Variants in L3MBTL3 observed in about 807,000 individuals in gnomAD.
The protein encoded by L3MBTL3 is lethal(3)malignant brain tumor-like protein 3.
In L3MBTL3, 27 loss-of-function variants were observed where a neutral mutation model predicts 102.3. That is an observed-to-expected ratio of 0.26 (90% CI 0.19 to 0.36). L3MBTL3 has a LOEUF of 0.36. Ranked by LOEUF, L3MBTL3 falls within the 10% of genes least tolerant of loss-of-function variation. L3MBTL3 has a pLI of 1.00. For missense variants in L3MBTL3, 798 were observed against 955.3 expected (o/e 0.84, Z 2.17); for synonymous variants, 340 against 320.9 (o/e 1.06, Z -0.64).
At position 130,054,802 on chromosome 6, in the gene L3MBTL3, G is replaced by A. The variant is rs181251849; in HGVS notation, c.583-369G>A. ...ATGACCTTGAAAACCCAGGGAAAGG[G>A]ACTAGAAAGAGTAGAGAAGGGAACT... is the stretch of plus-strand genomic sequence containing the variant. On this transcript the variant is annotated intron_variant, in intron 7 of 22. Transcript: ENST00000361794. Among the ~76,000 whole-genome samples the A allele has an allele frequency of 3.6e-3, 547 of 152,282 alleles. 3 individuals carry two copies. Among genetic ancestry groups the A allele is most frequent in the Non-Finnish European group, 4.4e-3 (297 of 68,028 alleles).
intron 3 of L3MBTL3, among the ~76,000 whole-genome samples, chr6:130,043,303 T>A (rs1337403281): frequency 2.6e-5 from 4 of 152,338 alleles, no homozygotes; most frequent in African/African-American, 9.6e-5. Context: ...TTTTATATAA[T>A]GACTTGTTCA....
At chr6:130,021,707 AT>A (rs2114420932) in intron 1 of L3MBTL3, among the ~76,000 whole-genome samples, 1 of 152,304 alleles carries the variant, frequency 6.6e-6, no homozygotes, top group Admixed American at 6.5e-5. Flanking sequence ...GTGTAAGGCA[AT>A]TTTATATAGT....
At chr6:130,083,307 T>C (rs1292490253) in intron 14 of L3MBTL3, among the ~76,000 whole-genome samples, 2 of 152,118 alleles carry the variant, frequency 1.3e-5, no homozygotes, top group African/African-American at 2.4e-5. Flanking sequence ...ATTGCATATG[T>C]CAGATTTTTC....
At chr6:130,057,215 A>G (rs1412557687) in intron 8 of L3MBTL3, among the ~76,000 whole-genome samples, 191 bp from the exon 9 acceptor site, 1 of 152,136 alleles carries the variant, frequency 6.6e-6, no homozygotes, top group Non-Finnish European at 1.5e-5. Flanking sequence ...TCCTCACTGT[A>G]GGTGCAAACC....
intron 18 of L3MBTL3, among the ~76,000 whole-genome samples, chr6:130,102,153 A>T (rs917618499): frequency 6.6e-6 from 1 of 152,016 alleles, no homozygotes; most frequent in African/African-American, 2.4e-5. Context: ...CAAAAACCAA[A>T]TGGCCATTCC....
chr6:130,091,868 G>GAGT (rs1307478906), intron 16 of L3MBTL3, among the ~76,000 whole-genome samples: 2 of 151,826 alleles, frequency 1.3e-5, no homozygotes, highest in African/African-American at 4.8e-5. Context: ...GCATAGCAGG[G>GAGT]AGTAGGGCAT....
At chr6:130,124,822 C>T (rs896517243) in intron 20 of L3MBTL3, among the ~76,000 whole-genome samples, 2 of 151,930 alleles carry the variant, frequency 1.3e-5, no homozygotes, top group Admixed American at 1.3e-4. Flanking sequence ...AATACGAAAT[C>T]AGCCGGGCAT....
At chr6:130,074,483 G>T (rs948112257) in intron 13 of L3MBTL3, among the ~76,000 whole-genome samples, 2 of 152,156 alleles carry the variant, frequency 1.3e-5, no homozygotes, top group African/African-American at 4.8e-5. Context: ...CCACTAGAAA[G>T]AACTTTAGGG....
In L3MBTL3 at chr6:130,133,564, T is replaced by G. The variant is rs1273442736; in HGVS notation, c.2079T>G (p.Leu693=). The G allele has an allele frequency of 6.2e-7, 1 of 1,614,116 alleles. No homozygotes were observed. The change falls in exon 21 of 23, where the codon CTT becomes CTG. Residue 693 remains leucine, a synonymous_variant. Transcript: ENST00000361794. This position sits in a 1 kb window ranked among gnomAD's most constrained non-coding sequence, Gnocchi z 4.9. The stretch of plus-strand genomic sequence containing the variant: ...TGCGCTGGGAGCAGCAAAGCAAACT[T>G]CTTCCAACTGTCGCAGGAATCCCTG... ...LPLRWEQQSK[L]LPTVAGIPAS...
intron 2 of L3MBTL3, among the ~76,000 whole-genome samples, chr6:130,031,357 G>C (rs1218967654): frequency 6.6e-6 from 1 of 152,136 alleles, no homozygotes; most frequent in Non-Finnish European, 1.5e-5. Context: ...AATTTATTTT[G>C]TATAGCTCAG....
intron 11 of L3MBTL3, among the ~76,000 whole-genome samples, chr6:130,067,408 C>T (rs896789629): frequency 6.6e-6 from 1 of 152,160 alleles, no homozygotes; most frequent in Admixed American, 6.5e-5. Flanking sequence ...GCCACCGTGC[C>T]CGGCCATATT....
chr6:130,020,058 CT>C (rs1453213441), intron 1 of L3MBTL3, among the ~76,000 whole-genome samples: 3 of 148,048 alleles, frequency 2.0e-5, no homozygotes, highest in Admixed American at 2.0e-4. Context: ...CGCGGGGCTG[CT>C]TTTCCTGCAA....
chr6:130,115,884 A>G (rs1196636372), intron 19 of L3MBTL3, among the ~76,000 whole-genome samples: 2 of 152,218 alleles, frequency 1.3e-5, no homozygotes, highest in Non-Finnish European at 2.9e-5. Context: ...ATTCCAAGAG[A>G]AATTGCTGTT....
At chr6:130,087,959 A>C (rs1280238588) in intron 16 of L3MBTL3, among the ~76,000 whole-genome samples, 2 of 151,960 alleles carry the variant, frequency 1.3e-5, no homozygotes, top group South Asian at 2.1e-4. Context: ...TTACTTGTTT[A>C]GTTTCTGGAA....
intron 2 of L3MBTL3, among the ~76,000 whole-genome samples, chr6:130,038,491 T>G (rs2114649575): frequency 6.6e-6 from 1 of 152,214 alleles, no homozygotes; most frequent in Admixed American, 6.5e-5. Flanking sequence ...CTCCTTGTGG[T>G]TTTAATTTGT....
chr6:130,049,798 C>G lies in L3MBTL3; in HGVS notation c.257C>G (p.Ala86Gly). 3.1e-6 allele frequency: 5 copies of G among 1,613,892 alleles called. No individual in the cohort carries two copies. The East Asian group carries it at 1.1e-4, about 36-fold the overall frequency. Residue 86 changes from alanine to glycine, a missense_variant, in exon 5 of 23, where the codon GCC becomes GGC. Physicochemically the swap from Ala to Gly is moderately conservative, Grantham distance 60 (BLOSUM62 0). Coordinates refer to ENST00000361794, the MANE Select transcript of L3MBTL3 (RefSeq NM_032438.4). ...PPSSRPVFPP[A>G]YWTSPPGCPT... The stretch of plus-strand genomic sequence containing the variant: ...AGCTCCAGGCCCGTATTTCCACCTG[C>G]CTACTGGACATCTCCACCTGGATGT...
At chr6:130,034,051 A>G (rs937637658) in intron 2 of L3MBTL3, among the ~76,000 whole-genome samples, 1 of 152,176 alleles carries the variant, frequency 6.6e-6, no homozygotes, top group East Asian at 1.9e-4. Context: ...GAGGACTGGT[A>G]TCTTCCCTTC....
At chr6:130,128,440 C>T (rs548283746) in intron 20 of L3MBTL3, among the ~76,000 whole-genome samples, 10 of 152,218 alleles carry the variant, frequency 6.6e-5, no homozygotes, top group African/African-American at 1.9e-4. Context: ...CTATTCTACC[C>T]AGCAGGAAGG....
intron 3 of L3MBTL3, among the ~76,000 whole-genome samples, chr6:130,045,205 T>G (rs1178410663): frequency 6.6e-6 from 1 of 152,210 alleles, no homozygotes; most frequent in Non-Finnish European, 1.5e-5. Context: ...TTTTTGGTGG[T>G]CTGGCCTCTG....
Sources: allele counts gnomAD v4.1 joint callset (sites outside exome capture counted in the v4.1 genomes callset), GRCh38; gene constraint gnomAD v4.1.1; non-coding constraint Gnocchi (gnomAD v3.1); transcripts MANE v1.5; gene names NCBI Gene and HGNC (gene_info 2026-07-23, HGNC 2026-07-21).